The following RBM19 variants were observed in gnomAD, a reference collection of about 807,000 sequenced individuals.
RBM19 encodes probable RNA-binding protein 19.
In RBM19, 94 loss-of-function variants were observed where a neutral mutation model predicts 116.8. The ratio of observed to expected loss-of-function variants is 0.80; its 90% CI spans 0.68 to 0.95. The LOEUF is 0.95. RBM19 is among the 40% of genes least tolerant of loss of function. RBM19 has a pLI of 0.00. For synonymous variants in RBM19, 475 were observed against 494.1 expected, an observed-to-expected ratio of 0.96 and a Z score of 0.51; for missense variants, 1,161 against 1,220.7, an observed-to-expected ratio of 0.95 and a Z score of 0.73.
At position 113,959,303 on chromosome 12, in the gene RBM19, T is replaced by A; in HGVS notation, c.480A>T (p.Lys160Asn). The A allele has an allele frequency of 4.3e-6, 7 of 1,614,104 alleles. No homozygotes were observed. The highest frequency in any genetic ancestry group is 5.9e-6 in the Non-Finnish European group (7 of 1,179,974). The stretch of plus-strand genomic sequence containing the variant: ...AGTCACTGGCCGGCTTGCTCTTCCC[T>A]TTCGAGGGCTCAGCATCCAGGCCAT... The part of the protein sequence containing the change: ...ANDGLDAEPS[K>N]GKSKPASDYL... The change falls in exon 5 of 24, where the codon AAA becomes AAT. Residue 160 changes from lysine to asparagine, a missense_variant. Physicochemically the swap from Lys to Asn is moderately conservative, Grantham distance 94. Coordinates refer to ENST00000261741, the MANE Select transcript of RBM19 (RefSeq NM_016196.4).
intron 18 of RBM19, among the ~76,000 whole-genome samples, chr12:113,924,291 GAAGA>G (rs1351071046): frequency 6.6e-6 from 1 of 152,250 alleles, no homozygotes; most frequent in Admixed American, 6.5e-5. Flanking sequence ...CCTCAGAAGG[GAAGA>G]GGGAGAGTGC....
chr12:113,955,279 A>G, intron 6 of RBM19, 68 bp from the exon 7 acceptor site: 1 of 1,468,054 alleles, frequency 6.8e-7, no homozygotes, highest in Non-Finnish European at 9.5e-7. Flanking sequence ...GAGGTGGCAC[A>G]CTGGGACATT....
chr12:113,961,676 A>G (rs1046353071), intron 2 of RBM19, among the ~76,000 whole-genome samples: 8 of 152,006 alleles, frequency 5.3e-5, no homozygotes, highest in Admixed American at 5.2e-4. Context: ...AGTGGAGCCC[A>G]CTCCTCCAGG....
At chr12:113,836,189 G>A (rs1875869348) in intron 23 of RBM19, among the ~76,000 whole-genome samples, 1 of 152,202 alleles carries the variant, frequency 6.6e-6, no homozygotes, top group East Asian at 1.9e-4. Context: ...CGCTGGAGAT[G>A]AGAAACCTGA....
intron 21 of RBM19, among the ~76,000 whole-genome samples, chr12:113,882,909 C>T (rs868783246): frequency 1.3e-5 from 2 of 152,228 alleles, no homozygotes; most frequent in Admixed American, 6.5e-5. Context: ...TGTGTGGTCA[C>T]GTTGTCAATA....
chr12:113,900,278 C>A lies in RBM19; in HGVS notation c.2558+14691G>T, dbSNP rs147403643. Among the ~76,000 whole-genome samples, 446 of 152,320 alleles carry A rather than the reference C, an allele frequency of 2.9e-3. 5 individuals are homozygous for A. The highest frequency in any genetic ancestry group is 0.01 in the African/African-American group (431 of 41,580). ...GTGGCCGTGGTTTGGGATTGCTCGA[C>A]CAGTTAGTCTGGCAGATGGAAACAG... On this transcript the variant is annotated intron_variant, in intron 21 of 23. Coordinates refer to ENST00000261741, the MANE Select transcript of RBM19 (RefSeq NM_016196.4).
At position 113,898,942 on chromosome 12, in the gene RBM19, A is replaced by T. The variant is rs1566003983; in HGVS notation, c.2558+16027T>A. 6.6e-6 allele frequency among the ~76,000 whole-genome samples: 1 copy of T among 152,244 alleles called. No individual in the cohort carries two copies. The highest frequency in any genetic ancestry group is 1.5e-5 in the Non-Finnish European group (1 of 68,042). ...TGTGTTTTGGTTTTATAGTCCTAAA[A>T]GAACCATAAGCATGAGTTGTCAGTT... is the stretch of plus-strand genomic sequence containing the variant. On this transcript the variant is annotated intron_variant, in intron 21 of 23. Transcript: ENST00000261741. This position sits in a 1 kb window ranked among gnomAD's most constrained non-coding sequence, Gnocchi z 4.3.
At chr12:113,870,009 C>A (rs1041939442) in intron 21 of RBM19, among the ~76,000 whole-genome samples, 2 of 152,188 alleles carry the variant, frequency 1.3e-5, no homozygotes, top group Non-Finnish European at 1.5e-5. Context: ...AATCTAGAAA[C>A]CTCTGGTACT....
At chr12:113,824,192 C>T (rs1214334839) in intron 23 of RBM19, among the ~76,000 whole-genome samples, 3 of 152,202 alleles carry the variant, frequency 2.0e-5, no homozygotes, top group African/African-American at 7.2e-5. Flanking sequence ...TGGTATGCTG[C>T]CTCTTGTAGG....
intron 14 of RBM19, among the ~76,000 whole-genome samples, chr12:113,941,859 G>T (rs528950370): frequency 7.0e-4 from 107 of 152,300 alleles, no homozygotes; most frequent in African/African-American, 2.5e-3. Context: ...TCTGAGCGTT[G>T]GTATCCCAGA....
chr12:113,830,570 CGGGG>C (rs1875296607), intron 23 of RBM19, among the ~76,000 whole-genome samples: 5 of 7,850 alleles, frequency 6.4e-4, no homozygotes, highest in African/African-American at 4.4e-3. Flanking sequence ...GCTAGGGCTG[CGGGG>C]CGGGGGGGGG....
chr12:113,853,022 C>G (rs1394312945), intron 22 of RBM19, among the ~76,000 whole-genome samples: 1 of 152,226 alleles, frequency 6.6e-6, no homozygotes, highest in Non-Finnish European at 1.5e-5. Context: ...GCTCGCTCAT[C>G]ATTGGTCCCT....
At chr12:113,960,540 A>G (rs1439049861) in intron 2 of RBM19, among the ~76,000 whole-genome samples, 1 of 152,184 alleles carries the variant, frequency 6.6e-6, no homozygotes, top group African/African-American at 2.4e-5. Flanking sequence ...GAGCATCAAG[A>G]AGTCAATTTC....
chr12:113,857,858 T>C (rs1282288568), intron 22 of RBM19, among the ~76,000 whole-genome samples: 1 of 152,192 alleles, frequency 6.6e-6, no homozygotes, highest in African/African-American at 2.4e-5. Context: ...TAAAGCCCAA[T>C]GGCTGTGACT....
At chr12:113,916,039 T>G (rs575984067) in intron 20 of RBM19, among the ~76,000 whole-genome samples, 2 of 152,308 alleles carry the variant, frequency 1.3e-5, no homozygotes, top group South Asian at 4.1e-4. Context: ...TTCTTTTTTT[T>G]GTCTTGTCAT....
Position 113,918,466 on chromosome 12 carries a change from T to C in RBM19, c.2386-19A>G. On this transcript the variant is annotated intron_variant, in intron 19 of 23. Coordinates refer to ENST00000261741, the MANE Select transcript of RBM19 (RefSeq NM_016196.4). ...CGTGACCCTAAGAGAGAAGACAACA[T>C]GGCTCATCTCTCTGTCCCGAGAAAT... is the stretch of plus-strand genomic sequence containing the variant. The C allele has an allele frequency of 6.2e-7, 1 of 1,613,296 alleles. No homozygotes were observed. Among genetic ancestry groups the C allele is most frequent in the South Asian group, 1.1e-5 (1 of 91,044 alleles).
Position 113,844,796 on chromosome 12 carries a change from G to C in RBM19, c.2665-8C>G, listed in dbSNP as rs774716325. 2 of 1,605,490 alleles carry C rather than the reference G, an allele frequency of 1.2e-6. No individual in the cohort carries two copies. Among genetic ancestry groups the C allele is most frequent in the African/African-American group, 2.7e-5 (2 of 74,648 alleles). ...CAGGGCGTTGAAGGCTCTCTGCAGA[G>C]GGACAAGAAACGAAACTGCACATCA... is the stretch of plus-strand genomic sequence containing the variant. On this transcript the variant is annotated splice_region_variant and splice_polypyrimidine_tract_variant and intron_variant, in intron 22 of 23. Transcript: ENST00000261741.
Position 113,937,017 on chromosome 12 carries a change from C to T in RBM19, c.2058G>A (p.Glu686=). 1 of 1,614,026 alleles carries T rather than the reference C, an allele frequency of 6.2e-7. No individual in the cohort carries two copies. Among genetic ancestry groups the T allele is most frequent in the Non-Finnish European group, 8.5e-7 (1 of 1,179,988 alleles). ...AGACTCAGCTCTTACCTGTTTCTGG[C>T]TCTGCTGGGTCCTTTTCCATGGGTT... is the stretch of plus-strand genomic sequence containing the variant. ...PSEPMEKDPA[E]PETVPDGETP... The change falls in exon 16 of 24, where the codon GAG becomes GAA. Residue 686 remains glutamate, a synonymous_variant. Transcript: ENST00000261741.
intron 17 of RBM19, among the ~76,000 whole-genome samples, chr12:113,925,565 G>A (rs1266452394): frequency 2.0e-5 from 3 of 152,288 alleles, no homozygotes; most frequent in Middle Eastern, 3.4e-3. Flanking sequence ...TAGACTGATC[G>A]CTACGCATGG....
Sources: allele counts gnomAD v4.1 joint callset (sites outside exome capture counted in the v4.1 genomes callset), GRCh38; gene constraint gnomAD v4.1.1; non-coding constraint Gnocchi (gnomAD v3.1); transcripts MANE v1.5; gene names NCBI Gene and HGNC (gene_info 2026-07-23, HGNC 2026-07-21).